KIAA1217: variants seen among roughly 807,000 people sequenced by gnomAD.
The protein encoded by KIAA1217 is sickle tail protein homolog.
A neutral mutation model predicts 163.9 loss-of-function variants in KIAA1217; 88 were observed. The ratio of observed to expected loss-of-function variants is 0.54; its 90% CI spans 0.45 to 0.64. The LOEUF (loss-of-function observed/expected upper bound fraction) is 0.64. Ranked by LOEUF, KIAA1217 falls within the 30% of genes least tolerant of loss-of-function variation. KIAA1217 has a pLI of 0.00. For missense variants in KIAA1217, 2,372 were observed against 2,475.0 expected (o/e 0.96, Z 0.88); for synonymous variants, 903 against 923.1 (o/e 0.98, Z 0.39).
Position 24,026,859 on chromosome 10 carries a change from C to T in KIAA1217, c.-171+19485C>T, listed in dbSNP as rs540825633. On this transcript the variant is annotated intron_variant, in intron 2 of 18. Coordinates refer to the KIAA1217 transcript ENST00000376462. ...ACTTGAGACTTTTCTTATTTTCTAG[C>T]ATAAATAGTTATGGTATAAGCTATA... Among the ~76,000 whole-genome samples the T allele has an allele frequency of 1.4e-4, 21 of 149,328 alleles. No individual in the cohort carries two copies. The East Asian group carries it at 4.1e-3, about 29-fold the overall frequency.
chr10:24,040,170 C>T (rs1848571886), intron 2 of KIAA1217, among the ~76,000 whole-genome samples: 1 of 152,200 alleles, frequency 6.6e-6, no homozygotes, highest in South Asian at 2.1e-4. Context: ...CCCTCGAAGT[C>T]ATGTGATTTG....
At chr10:24,029,211 T>G (rs1408284134) in intron 2 of KIAA1217, among the ~76,000 whole-genome samples, 1 of 152,272 alleles carries the variant, frequency 6.6e-6, no homozygotes, top group East Asian at 1.9e-4. Context: ...AAACAGACCT[T>G]AAGGACCTCA....
chr10:24,442,846 A>G (rs983236676), intron 5 of KIAA1217, among the ~76,000 whole-genome samples: 1 of 151,762 alleles, frequency 6.6e-6, no homozygotes, highest in Non-Finnish European at 1.5e-5. Flanking sequence ...CCCTTCTGCC[A>G]CTGCCTGTAC....
rs1324573607 is a variant in KIAA1217, at chr10:23,790,713, ATGTATG to A, written c.-321+95481_-321+95486del. Among the ~76,000 whole-genome samples, 119 of 119,836 alleles carry A rather than the reference ATGTATG, an allele frequency of 9.9e-4. 1 individual carries two copies. The highest frequency in any genetic ancestry group is 4.2e-3 in the African/African-American group (79 of 18,838). 78.6% of individuals were successfully genotyped at this position (119,836 alleles called of 152,430 possible). On this transcript the variant is annotated intron_variant, in intron 1 of 18. Coordinates refer to the KIAA1217 transcript ENST00000376462. ...TGTATATATACACACACATATATAT[ATGTATG>A]TATGTATGTATGTATGTATGTATGT...
At chr10:24,217,093 G>A (rs1038285440) in intron 1 of KIAA1217, among the ~76,000 whole-genome samples, 4 of 136,470 alleles carry the variant, frequency 2.9e-5, no homozygotes, top group Non-Finnish European at 6.2e-5. Context: ...CAACAATTTT[G>A]GCTGATATGA....
chr10:23,728,967 C>T (rs1838323295), intron 1 of KIAA1217, among the ~76,000 whole-genome samples: 1 of 152,214 alleles, frequency 6.6e-6, no homozygotes, highest in South Asian at 2.1e-4. Context: ...CCCCTTCCCC[C>T]ACTCCCAACC....
chr10:24,265,626 C>T (rs1340457036), intron 2 of KIAA1217, among the ~76,000 whole-genome samples: 1 of 152,110 alleles, frequency 6.6e-6, no homozygotes, highest in Admixed American at 6.6e-5. Flanking sequence ...TCTCTCCCAT[C>T]TTCATGTGGA....
chr10:24,521,713 G>A (rs1030632597), intron 11 of KIAA1217, 69 bp from the exon 12 acceptor site: 31 of 1,548,826 alleles, frequency 2.0e-5, no homozygotes, highest in East Asian at 1.4e-4. Flanking sequence ...GTCCAGTATC[G>A]GAGTGCGGGA....
At chr10:24,241,939 AGGGATTTT>A (rs2073158678) in intron 2 of KIAA1217, among the ~76,000 whole-genome samples, 1 of 152,038 alleles carries the variant, frequency 6.6e-6, no homozygotes, top group Non-Finnish European at 1.5e-5. Flanking sequence ...GGGATTCTAG[AGGGATTTT>A]GGCATCTGAG....
At chr10:23,729,906 AATT>A (rs1264634968) in intron 1 of KIAA1217, among the ~76,000 whole-genome samples, 88 of 118,824 alleles carry the variant, frequency 7.4e-4, no homozygotes, top group African/African-American at 1.3e-3. Flanking sequence ...TTTTCTATGA[AATT>A]TTTTTTTTTT....
intron 16 of KIAA1217, among the ~76,000 whole-genome samples, chr10:24,535,750 G>C (rs12220775): frequency 0.61 from 93,060 of 151,994 alleles, 28,997 homozygotes; most frequent in African/African-American, 0.71. Flanking sequence ...GCACTCCAGC[G>C]TGGGCGACAG....
chr10:23,960,060 C>T lies in KIAA1217; in HGVS notation c.-320-47165C>T, dbSNP rs111877799. 4.0e-5 allele frequency among the ~76,000 whole-genome samples: 6 copies of T among 151,632 alleles called. No individual in the cohort carries two copies. In the East Asian group the frequency reaches 5.8e-4, roughly 15 times the overall value. ...CCTCCCGAGTAGCTGCAACTACAGG[C>T]GCCTGCCACCACGCCCGGCTAATTT... On this transcript the variant is annotated intron_variant, in intron 1 of 18. Transcript: ENST00000376462.
At chr10:23,765,665 A>G (rs1301677756) in intron 1 of KIAA1217, among the ~76,000 whole-genome samples, 3 of 152,188 alleles carry the variant, frequency 2.0e-5, no homozygotes, top group Non-Finnish European at 2.9e-5. Context: ...GAGTTCTCAC[A>G]AGATCTGATG....
chr10:24,164,035 C>A lies in KIAA1217; in HGVS notation c.-170-55591C>A, dbSNP rs566120164. Among the ~76,000 whole-genome samples the A allele has an allele frequency of 4.3e-4, 66 of 152,240 alleles. 1 individual carries two copies. The highest frequency in any genetic ancestry group is 1.6e-3 in the African/African-American group (65 of 41,552). ...GTTTAATTAAATAAAAAATAAATTT[C>A]TAAGTCTAAAGAGACAGCTGCAGTG... On this transcript the variant is annotated intron_variant, in intron 2 of 18. Coordinates refer to the KIAA1217 transcript ENST00000376462.
intron 6 of KIAA1217, among the ~76,000 whole-genome samples, chr10:24,477,862 C>T (rs1040362653): frequency 2.0e-5 from 3 of 152,078 alleles, no homozygotes; most frequent in Admixed American, 2.0e-4. Context: ...CTCATCTATA[C>T]CATGATGTTA....
intron 2 of KIAA1217, among the ~76,000 whole-genome samples, chr10:24,252,378 G>A (rs2074653134): frequency 6.6e-6 from 1 of 152,054 alleles, no homozygotes; most frequent in South Asian, 2.1e-4. Flanking sequence ...AGGAGTTCAA[G>A]ACCAACCTGG....
rs1189512254 is a variant in KIAA1217 at position 24,544,459 on chromosome 10, C to T, written c.5189C>T (p.Ser1730Leu). The change falls in exon 19 of 21, where the codon TCG (serine) becomes TTG (leucine). Residue 1730 changes from serine to leucine, a missense_variant. By Grantham distance (145) the Ser-to-Leu change is moderately radical. Around this residue, in one of 3 missense-constraint regions of KIAA1217, gnomAD observed 690 missense variants for 677.5 expected, o/e 1.02. Coordinates refer to ENST00000376454, the MANE Select transcript of KIAA1217 (RefSeq NM_019590.5). ...EGPTALEPPT[S>L]IPSASRKGSS... ...CCCACTGCCCTAGAGCCCCCTACGT[C>T]GATACCTTCAGCTTCACGTAAGGTA... 6 of 1,612,946 alleles carry T rather than the reference C, an allele frequency of 3.7e-6. No homozygotes were observed. Among genetic ancestry groups the T allele is most frequent in the African/African-American group, 1.3e-5 (1 of 74,952 alleles).
chr10:24,305,183 A>G (rs2041869830), intron 2 of KIAA1217, among the ~76,000 whole-genome samples: 2 of 152,186 alleles, frequency 1.3e-5, no homozygotes, highest in African/African-American at 2.4e-5. Flanking sequence ...GGAGAGCACA[A>G]AATTGGGGAG....
At chr10:23,779,340 T>C (rs1835151662) in intron 1 of KIAA1217, among the ~76,000 whole-genome samples, 1 of 152,212 alleles carries the variant, frequency 6.6e-6, no homozygotes, top group Non-Finnish European at 1.5e-5. Flanking sequence ...TCCTTTTCTT[T>C]CTTCATCGTC....
Sources: gnomAD v4.1 joint callset for allele counts (sites outside exome capture counted in the v4.1 genomes callset) on GRCh38, gnomAD v4.1.1 for gene constraint, gnomAD v4.1.1 regional missense constraint, MANE v1.5 for transcripts, NCBI Gene and HGNC (gene_info 2026-07-23, HGNC 2026-07-21) for gene names.